Variants in ARL15 observed in about 807,000 individuals in gnomAD.
ARL15 encodes the protein ARF like GTPase 15.
Under a neutral mutation model 25.2 loss-of-function variants are expected in ARL15, and 19 were observed. The ratio of observed to expected loss-of-function variants is 0.75; its 90% confidence interval spans 0.53 to 1.10. The LOEUF is 1.10. Among genes scored for constraint, ARL15 ranks in the 50% least tolerant of loss-of-function variants. ARL15 has a pLI of 0.00. For synonymous variants in ARL15, 94 were observed against 86.8 expected, an observed-to-expected ratio of 1.08 and a Z score of -0.46; for missense variants, 220 against 246.0, an observed-to-expected ratio of 0.89 and a Z score of 0.71.
At chr5:54,258,717 AAGGAGAGG>A (rs1757427493) in intron 1 of ARL15, among the ~76,000 whole-genome samples, 5 of 152,254 alleles carry the variant, frequency 3.3e-5, no homozygotes, top group African/African-American at 1.2e-4. Context: ...AGGGGAATGG[AAGGAGAGG>A]GGCATGAAAT....
At chr5:54,228,533 A>G (rs1756585728) in intron 1 of ARL15, among the ~76,000 whole-genome samples, 2 of 150,182 alleles carry the variant, frequency 1.3e-5, no homozygotes, top group South Asian at 2.2e-4. Context: ...AAGTCAATTA[A>G]TAATTATGAT....
intron 4 of ARL15, among the ~76,000 whole-genome samples, chr5:53,902,559 T>C (rs1235345327): frequency 1.3e-5 from 2 of 152,326 alleles, no homozygotes; most frequent in African/African-American, 2.4e-5. Flanking sequence ...AAAATGTTAA[T>C]ATATGGAACC....
At chr5:54,245,148 C>T (rs1757057248) in intron 1 of ARL15, among the ~76,000 whole-genome samples, 1 of 152,112 alleles carries the variant, frequency 6.6e-6, no homozygotes, top group Admixed American at 6.5e-5. Context: ...TATCCTACTT[C>T]TTTAAAATAA....
intron 3 of ARL15, among the ~76,000 whole-genome samples, chr5:54,131,627 T>G (rs1399925875): frequency 6.6e-6 from 1 of 152,194 alleles, no homozygotes; most frequent in African/African-American, 2.4e-5. Context: ...GTTTACCAAC[T>G]AGAGTCAAAG....
At chr5:53,928,611 A>C (rs1325460524) in intron 4 of ARL15, among the ~76,000 whole-genome samples, 1 of 152,178 alleles carries the variant, frequency 6.6e-6, no homozygotes, top group Non-Finnish European at 1.5e-5. Context: ...ATTCATAATC[A>C]TTCCCCCTCC....
chr5:54,218,258 G>T (rs1037709793), intron 1 of ARL15, among the ~76,000 whole-genome samples: 3 of 151,994 alleles, frequency 2.0e-5, no homozygotes, highest in South Asian at 2.1e-4. Context: ...AAAGAGCATG[G>T]TTTTTTTAAA....
At chr5:53,889,219 C>T (rs908032015) in intron 4 of ARL15, among the ~76,000 whole-genome samples, 3 of 151,832 alleles carry the variant, frequency 2.0e-5, no homozygotes, top group East Asian at 1.9e-4. Context: ...GAATTGATCC[C>T]GGTAGCATAT....
At chr5:54,288,754 A>G (rs898567940) in intron 1 of ARL15, among the ~76,000 whole-genome samples, 2 of 152,222 alleles carry the variant, frequency 1.3e-5, no homozygotes, top group African/African-American at 4.8e-5. Context: ...CCTACTACAA[A>G]TAACACTTTG....
At chr5:54,124,195 T>TGC (rs1199532918) in intron 3 of ARL15, among the ~76,000 whole-genome samples, 1 of 152,224 alleles carries the variant, frequency 6.6e-6, no homozygotes, top group Non-Finnish European at 1.5e-5. Context: ...CTGAATTTTC[T>TGC]TACAATTCTG....
intron 4 of ARL15, among the ~76,000 whole-genome samples, chr5:53,989,680 T>G (rs1195821425): frequency 5.3e-5 from 8 of 152,108 alleles, no homozygotes; most frequent in Non-Finnish European, 1.2e-4. Flanking sequence ...GATTCTCTGC[T>G]CTTGAGAAAC....
intron 1 of ARL15, among the ~76,000 whole-genome samples, chr5:54,264,667 C>T (rs1305377613): frequency 6.6e-6 from 1 of 152,144 alleles, no homozygotes; most frequent in Non-Finnish European, 1.5e-5. Flanking sequence ...CAGAATTGCT[C>T]CTGTCTTAGG....
chr5:53,945,822 A>G lies in ARL15; in HGVS notation c.463-59109T>C, dbSNP rs149192503. The stretch of plus-strand genomic sequence containing the variant: ...TGTTCTCATTCCACTAACCATAAAC[A>G]TAGAAGTTTAGAGCTGGGAAGGACC... On this transcript the variant is annotated intron_variant, in intron 4 of 4. Coordinates refer to ENST00000504924, the MANE Select transcript of ARL15 (RefSeq NM_019087.3). 7.3e-3 allele frequency among the ~76,000 whole-genome samples: 1,112 copies of G among 152,354 alleles called. 19 individuals are homozygous for G. The highest frequency in any genetic ancestry group is 0.026 in the African/African-American group (1,081 of 41,574).
intron 4 of ARL15, among the ~76,000 whole-genome samples, chr5:54,094,001 G>A (rs1752209043): frequency 1.3e-5 from 2 of 152,140 alleles, no homozygotes; most frequent in East Asian, 1.9e-4. Flanking sequence ...TTTCTATACA[G>A]GGTTTAGTCT....
intron 4 of ARL15, among the ~76,000 whole-genome samples, chr5:54,030,387 G>T (rs1749940332): frequency 6.6e-6 from 1 of 152,172 alleles, no homozygotes; most frequent in Non-Finnish European, 1.5e-5. Context: ...CATTTCTTAA[G>T]AGAAAGGACA....
chr5:54,165,754 A>AT (rs397776709), intron 2 of ARL15, among the ~76,000 whole-genome samples: 24 of 150,866 alleles, frequency 1.6e-4, no homozygotes, highest in African/African-American at 4.6e-4. Flanking sequence ...ATATATATAT[A>AT]AATAGAGACA....
intron 4 of ARL15, among the ~76,000 whole-genome samples, chr5:54,103,870 C>T (rs537230737): frequency 2.6e-5 from 4 of 152,272 alleles, no homozygotes; most frequent in Non-Finnish European, 4.4e-5. Flanking sequence ...TTTGTGCTAA[C>T]GCAGCAGAAC....
chr5:54,209,672 T>C (rs1287543641), intron 1 of ARL15, among the ~76,000 whole-genome samples: 1 of 150,952 alleles, frequency 6.6e-6, no homozygotes, highest in African/African-American at 2.4e-5. Context: ...AGGTCGTCTT[T>C]AGCTTAAAGC....
At chr5:54,156,163 C>T (rs1754226456) in intron 2 of ARL15, among the ~76,000 whole-genome samples, 1 of 152,174 alleles carries the variant, frequency 6.6e-6, no homozygotes, top group African/African-American at 2.4e-5. Flanking sequence ...CACTTCTTTG[C>T]TGCATGTTAT....
At chr5:54,136,015 G>C (rs1356396750) in intron 3 of ARL15, among the ~76,000 whole-genome samples, 1 of 152,010 alleles carries the variant, frequency 6.6e-6, no homozygotes, top group Non-Finnish European at 1.5e-5. Context: ...TCTCATGTGG[G>C]GCAGAGTTTC....
Sources: allele counts gnomAD v4.1 joint callset (sites outside exome capture counted in the v4.1 genomes callset), GRCh38; gene constraint gnomAD v4.1.1; transcripts MANE v1.5; gene names NCBI Gene and HGNC (gene_info 2026-07-23, HGNC 2026-07-21).